The following RIPK2 variants were observed in gnomAD, a reference collection of about 807,000 sequenced individuals.
RIPK2 encodes the protein receptor interacting serine/threonine kinase 2.
Under a neutral mutation model 60.9 loss-of-function variants are expected in RIPK2, and 38 were observed. The ratio of observed to expected loss-of-function variants is 0.62; its 90% confidence interval spans 0.48 to 0.82. The LOEUF is 0.82. Among genes scored for constraint, RIPK2 ranks in the 40% least tolerant of loss-of-function variants. RIPK2 has a pLI of 0.00. For missense variants in RIPK2, 518 were observed against 647.0 expected (o/e 0.80, Z 2.16); for synonymous variants, 225 against 223.4 (o/e 1.01, Z -0.06).
At chr8:89,778,593 T>G (rs1366934849) in intron 6 of RIPK2, among the ~76,000 whole-genome samples, 2 of 152,232 alleles carry the variant, frequency 1.3e-5, no homozygotes, top group East Asian at 1.9e-4. Flanking sequence ...CTGGCTCTTT[T>G]CACACTTAGC....
intron 6 of RIPK2, among the ~76,000 whole-genome samples, chr8:89,773,742 T>C (rs532098749): frequency 2.0e-5 from 3 of 152,284 alleles, no homozygotes; most frequent in East Asian, 3.9e-4. Flanking sequence ...AGAATTAAGA[T>C]AGTATTTCAG....
intron 6 of RIPK2, among the ~76,000 whole-genome samples, chr8:89,779,675 C>A (rs940982187): frequency 6.6e-6 from 1 of 151,976 alleles, no homozygotes; most frequent in Non-Finnish European, 1.5e-5. Context: ...AAGAACTCTG[C>A]CTAACCCAAG....
At chr8:89,758,270 A>G (rs1198498975) in intron 1 of RIPK2, 37 bp downstream of exon 1, 7 of 1,551,036 alleles carry the variant, frequency 4.5e-6, no homozygotes, top group Non-Finnish European at 6.1e-6. Context: ...AGAGCCCTCA[A>G]CTCCTGCATC....
At chr8:89,772,192 A>C (rs1012597467) in intron 5 of RIPK2, among the ~76,000 whole-genome samples, 3 of 152,074 alleles carry the variant, frequency 2.0e-5, no homozygotes, top group Non-Finnish European at 4.4e-5. Context: ...CCCCCTCTAT[A>C]AAGACTAGCA....
intron 8 of RIPK2, 55 bp downstream of exon 8, chr8:89,784,194 A>T (rs1464660299): frequency 7.8e-6 from 9 of 1,150,138 alleles, no homozygotes; most frequent in Non-Finnish European, 9.8e-6. Flanking sequence ...TGTGAGAAGA[A>T]TTTGAAAAAA....
intron 4 of RIPK2, among the ~76,000 whole-genome samples, chr8:89,770,712 T>C (rs1809299059): frequency 6.6e-6 from 1 of 151,876 alleles, no homozygotes; most frequent in Non-Finnish European, 1.5e-5. Flanking sequence ...GAATGAATGC[T>C]ATATCTCTAC....
At chr8:89,779,016 A>G (rs979644070) in intron 6 of RIPK2, among the ~76,000 whole-genome samples, 1 of 152,132 alleles carries the variant, frequency 6.6e-6, no homozygotes, top group Non-Finnish European at 1.5e-5. Context: ...GTGATATCTC[A>G]TTGCAGTTTT....
rs769505144 is a variant in RIPK2, at chr8:89,786,611, C to G, written c.1048C>G (p.Gln350Glu). ...ACTTTAGGAATCATGTGGATCCTCTCAGCTCCATGAAAATAGTGGTTCTCC... is the reference window on the plus strand; with the variant it reads ...ACTTTAGGAATCATGTGGATCCTCTGAGCTCCATGAAAATAGTGGTTCTCC... Reference protein sequence around the residue: ...GPQEESCGSSQLHENSGSPET... With the variant: ...GPQEESCGSSELHENSGSPET... Residue 350 changes from glutamine (Q) to glutamate (E), a missense_variant, in exon 9 of 11, where the codon CAG (glutamine) becomes GAG (glutamate). By Grantham distance (29) the Gln-to-Glu change is conservative. Around this residue, in one of 3 missense-constraint regions of RIPK2, gnomAD observed 448 missense variants for 534.7 expected, o/e 0.84. Coordinates refer to ENST00000220751, the MANE Select transcript of RIPK2 (RefSeq NM_003821.6). 1.3e-6 allele frequency: 2 copies of G among 1,591,150 alleles called. No individual in the cohort carries two copies. Among genetic ancestry groups the G allele is most frequent in the Admixed American group, 3.4e-5 (2 of 59,296 alleles).
At chr8:89,780,357 A>G (rs1006359990) in intron 7 of RIPK2, 197 bp downstream of exon 7, 5 of 331,078 alleles carry the variant, frequency 1.5e-5, no homozygotes, top group African/African-American at 1.1e-4. Flanking sequence ...TTTCATTCAA[A>G]TGGCCACCTT....
At position 89,790,816 on chromosome 8, in the gene RIPK2, A is replaced by G. The variant is rs1809665423; in HGVS notation, c.*400A>G. The stretch of plus-strand genomic sequence containing the variant: ...CTTTACCCACCAGAGACAGTACAGA[A>G]TCCCTGCCCTAAAATCCCAGGCTTA... On this transcript the variant is annotated 3_prime_UTR_variant, in exon 11 of 11. Transcript: ENST00000220751. The G allele has an allele frequency of 1.3e-5, 2 of 154,434 alleles. No homozygotes were observed. Among genetic ancestry groups the G allele is most frequent in the South Asian group, 4.0e-4 (2 of 4,962 alleles). The allele number at this position is 154,434 out of a possible 1,614,324, so 9.6% of individuals were successfully genotyped here. A position where few individuals can be genotyped will look rare whatever the true frequency, so the allele number is the denominator to read the frequency against.
intron 4 of RIPK2, 67 bp downstream of exon 4, chr8:89,769,996 T>C: frequency 7.9e-7 from 1 of 1,272,058 alleles, no homozygotes; most frequent in South Asian, 1.6e-5. Flanking sequence ...AACCAGAATT[T>C]TGAAGCTACA....
chr8:89,759,588 T>C (rs1418860991), intron 1 of RIPK2: 2 of 360,604 alleles, frequency 5.5e-6, no homozygotes, highest in African/African-American at 4.3e-5. Context: ...GGGACACTTC[T>C]AGAGCTTGTT....
At chr8:89,775,616 T>G (rs958182969) in intron 6 of RIPK2, among the ~76,000 whole-genome samples, 6 of 152,196 alleles carry the variant, frequency 3.9e-5, no homozygotes, top group African/African-American at 1.4e-4. Flanking sequence ...GAAATGGTAT[T>G]CAGAATGCAA....
intron 4 of RIPK2, among the ~76,000 whole-genome samples, chr8:89,770,984 A>G (rs894027835): frequency 1.3e-5 from 2 of 151,864 alleles, no homozygotes; most frequent in Admixed American, 1.3e-4. Flanking sequence ...GGTAGAGATC[A>G]TGTTCTACCC....
In RIPK2 at chr8:89,779,731, T is replaced by C. The variant is rs182694070; in HGVS notation, c.854-344T>C. Among the ~76,000 whole-genome samples, 6 of 152,344 alleles carry C rather than the reference T, an allele frequency of 3.9e-5. No homozygotes were observed. In the East Asian group the frequency reaches 1.2e-3, roughly 29 times the overall value. ...TGTTTACATTTAGGTGTGTGGTTCA[T>C]TTCAAGTTAGTTTTTATGTGTAGTG... On this transcript the variant is annotated intron_variant, in intron 6 of 10. Coordinates refer to ENST00000220751, the MANE Select transcript of RIPK2 (RefSeq NM_003821.6).
intron 7 of RIPK2, among the ~76,000 whole-genome samples, chr8:89,781,513 G>A (rs113749055): frequency 0.029 from 4,403 of 151,884 alleles, 98 homozygotes; most frequent in South Asian, 0.077. Flanking sequence ...AACTACAGGC[G>A]TGGGCTACCA....
chr8:89,771,088 A>G (rs1809304091), intron 4 of RIPK2, among the ~76,000 whole-genome samples: 1 of 151,808 alleles, frequency 6.6e-6, no homozygotes, highest in Non-Finnish European at 1.5e-5. Context: ...TTCAATTTCA[A>G]TATTCTCTGT....
intron 8 of RIPK2, among the ~76,000 whole-genome samples, chr8:89,785,012 C>A (rs1444129250): frequency 6.6e-6 from 1 of 152,102 alleles, no homozygotes; most frequent in Non-Finnish European, 1.5e-5. Context: ...AGAATGGCAC[C>A]AAGCTATTCA....
chr8:89,760,885 T>C (rs1809134234), intron 1 of RIPK2, among the ~76,000 whole-genome samples: 6 of 152,202 alleles, frequency 3.9e-5, no homozygotes, highest in Admixed American at 3.3e-4. Context: ...GTTCTTAGTA[T>C]CCAGGAATCT....
Sources: gnomAD v4.1 joint callset for allele counts (sites outside exome capture counted in the v4.1 genomes callset) on GRCh38, gnomAD v4.1.1 for gene constraint, gnomAD v4.1.1 regional missense constraint, MANE v1.5 for transcripts, NCBI Gene and HGNC (gene_info 2026-07-23, HGNC 2026-07-21) for gene names.